Variants in ALDH2 observed in about 807,000 individuals in gnomAD.
ALDH2 encodes aldehyde dehydrogenase 2 family member.
ALDH2 carries 44 observed loss-of-function variants against 59.6 expected under a neutral mutation model. That is an observed-to-expected ratio of 0.74 (90% CI 0.58 to 0.95). The LOEUF is 0.95. Among genes scored for constraint, ALDH2 ranks in the 40% least tolerant of loss-of-function variants. The probability of loss-of-function intolerance (pLI) is 0.00; values close to 1 mark genes in which losing one functional copy is unlikely to be tolerated. For missense variants in ALDH2, 570 were observed against 696.3 expected (o/e 0.82, Z 2.04); for synonymous variants, 291 against 284.0 (o/e 1.02, Z -0.25).
chr12:111,807,357 G>C (rs1018773177), intron 12 of ALDH2, among the ~76,000 whole-genome samples: 4 of 151,632 alleles, frequency 2.6e-5, no homozygotes, highest in African/African-American at 9.7e-5. Flanking sequence ...CTCACAGCCA[G>C]TCTTGTTTAC....
intron 11 of ALDH2, among the ~76,000 whole-genome samples, chr12:111,803,295 G>T (rs2068468876): frequency 6.7e-6 from 1 of 149,532 alleles, no homozygotes; most frequent in Admixed American, 6.6e-5. Flanking sequence ...AAAAAAAAAT[G>T]AAAGAAAAGA....
intron 9 of ALDH2, among the ~76,000 whole-genome samples, chr12:111,794,105 A>G (rs543485437): frequency 3.6e-4 from 48 of 132,656 alleles, no homozygotes; most frequent in Non-Finnish European, 6.6e-4. Flanking sequence ...TGCAACCTGT[A>G]CCTCCTGGGT....
chr12:111,803,684 C>T (rs539982429), intron 11 of ALDH2, among the ~76,000 whole-genome samples, 175 bp from the exon 12 acceptor site: 1 of 151,954 alleles, frequency 6.6e-6, no homozygotes, highest in East Asian at 1.9e-4. Context: ...TGCAACGAGC[C>T]AAGATCATGC....
intron 1 of ALDH2, among the ~76,000 whole-genome samples, chr12:111,772,547 G>A (rs1664045872): frequency 1.3e-5 from 2 of 152,036 alleles, no homozygotes; most frequent in African/African-American, 2.4e-5. Flanking sequence ...ATTTTTAGTA[G>A]AGTTGGGGTT....
At chr12:111,767,517 C>T (rs914897839) in intron 1 of ALDH2, among the ~76,000 whole-genome samples, 8 of 152,216 alleles carry the variant, frequency 5.3e-5, no homozygotes, top group African/African-American at 1.7e-4. Context: ...ATGCCCTCAT[C>T]CAAGGAGTTC....
chr12:111,792,904 TGCCTTTG>T, intron 9 of ALDH2, 122 bp downstream of exon 9: 9 of 1,135,230 alleles, frequency 7.9e-6, no homozygotes, highest in South Asian at 3.2e-5. Context: ...AGCAGCTGTG[TGCCTTTG>T]GGAAGCTATG....
chr12:111,787,444 C>A (rs2068318698), intron 4 of ALDH2, among the ~76,000 whole-genome samples: 1 of 152,148 alleles, frequency 6.6e-6, no homozygotes, highest in South Asian at 2.1e-4. Context: ...AGTTGTAATG[C>A]CATATTCCTG....
chr12:111,800,832 G>T (rs2068446033), intron 11 of ALDH2, among the ~76,000 whole-genome samples: 1 of 152,170 alleles, frequency 6.6e-6, no homozygotes, highest in African/African-American at 2.4e-5. Context: ...TTATCCAAGA[G>T]AAAGAAAAAC....
chr12:111,783,292 C>A lies in ALDH2; in HGVS notation c.354C>A (p.Tyr118Ter). Residue 118 changes from tyrosine to a stop codon, truncating the protein, a stop_gained, in exon 3 of 13, where the codon TAC becomes TAA. Coordinates refer to ENST00000261733, the MANE Select transcript of ALDH2 (RefSeq NM_000690.4). LOFTEE classifies it high-confidence loss of function. ...ATCTGATCGAGCGGGACCGGACCTA[C>A]CTGGCGGTGAGTCCTCAGCCCTTCT... ...LADLIERDRT[Y>*]LAALETLDNG... The A allele has an allele frequency of 6.2e-7, 1 of 1,605,798 alleles. No individual in the cohort carries two copies. Among genetic ancestry groups the A allele is most frequent in the Non-Finnish European group, 8.5e-7 (1 of 1,174,480 alleles).
At chr12:111,787,397 C>T (rs2068318300) in intron 4 of ALDH2, among the ~76,000 whole-genome samples, 1 of 152,176 alleles carries the variant, frequency 6.6e-6, no homozygotes, top group East Asian at 1.9e-4. Flanking sequence ...CTTGTACCTC[C>T]ATGCCTGATT....
rs753847903 is a variant in ALDH2 at position 111,789,922 on chromosome 12, G to C, written c.540G>C (p.Gly180=). ...GCCATGAACCTGTGGGGGTGTGCGGGCAGATCATTCCGGTGAGTCCAGCCT... is the reference window on the plus strand; with the variant it reads ...GCCATGAACCTGTGGGGGTGTGCGGCCAGATCATTCCGGTGAGTCCAGCCT... ...YTRHEPVGVC[G]QIIPWNFPLL... Residue 180 remains glycine (G), a synonymous_variant, in exon 5 of 13, where the codon GGG becomes GGC. Coordinates refer to ENST00000261733, the MANE Select transcript of ALDH2 (RefSeq NM_000690.4). 6.2e-7 allele frequency: 1 copy of C among 1,614,138 alleles called. No homozygotes were observed. Among genetic ancestry groups the C allele is most frequent in the East Asian group, 2.2e-5 (1 of 44,888 alleles).
At chr12:111,784,794 G>C (rs1239258689) in intron 3 of ALDH2, among the ~76,000 whole-genome samples, 1 of 151,932 alleles carries the variant, frequency 6.6e-6, no homozygotes, top group Non-Finnish European at 1.5e-5. Flanking sequence ...TTGTATTTTT[G>C]ATAAAGTCAA....
intron 1 of ALDH2, among the ~76,000 whole-genome samples, chr12:111,767,746 A>G (rs993830025): frequency 2.6e-5 from 4 of 152,154 alleles, no homozygotes; most frequent in Non-Finnish European, 5.9e-5. Flanking sequence ...TGGTCCATTT[A>G]TTGATTGCTC....
At chr12:111,805,680 C>T (rs1385411964) in intron 12 of ALDH2, among the ~76,000 whole-genome samples, 1 of 152,074 alleles carries the variant, frequency 6.6e-6, no homozygotes, top group Non-Finnish European at 1.5e-5. Context: ...GAGTCATGTT[C>T]GCCAATTTCA....
At chr12:111,798,052 A>G (rs897723148) in intron 9 of ALDH2, 26 bp from the exon 10 acceptor site, 8 of 1,614,060 alleles carry the variant, frequency 5.0e-6, no homozygotes, top group East Asian at 2.2e-5. Flanking sequence ...CGATGTCTCC[A>G]TAACTCTGGG....
At chr12:111,794,565 G>A (rs2068388306) in intron 9 of ALDH2, among the ~76,000 whole-genome samples, 1 of 151,978 alleles carries the variant, frequency 6.6e-6, no homozygotes, top group South Asian at 2.1e-4. Context: ...GGAATGCAGT[G>A]GTGTGATCAT....
chr12:111,776,625 A>G (rs946238910), intron 1 of ALDH2, among the ~76,000 whole-genome samples: 8 of 151,956 alleles, frequency 5.3e-5, no homozygotes, highest in African/African-American at 1.9e-4. Context: ...TCCCACCTTT[A>G]TTTAAGAAAA....
At chr12:111,773,078 C>T (rs1482430089) in intron 1 of ALDH2, among the ~76,000 whole-genome samples, 2 of 150,992 alleles carry the variant, frequency 1.3e-5, no homozygotes, top group African/African-American at 2.4e-5. Flanking sequence ...TGATGAAACC[C>T]CGTCTCTACT....
intron 1 of ALDH2, among the ~76,000 whole-genome samples, chr12:111,779,136 G>A (rs1220263828): frequency 6.6e-6 from 1 of 152,142 alleles, no homozygotes; most frequent in Admixed American, 6.5e-5. Flanking sequence ...GATTACAGGC[G>A]TGAGCCACTG....
Sources: gnomAD v4.1 joint callset for allele counts (sites outside exome capture counted in the v4.1 genomes callset) on GRCh38, gnomAD v4.1.1 for gene constraint, MANE v1.5 for transcripts, NCBI Gene and HGNC (gene_info 2026-07-23, HGNC 2026-07-21) for gene names.